Variants in CSMD3 observed in about 807,000 individuals in gnomAD.
CSMD3 encodes the protein CUB and sushi domain-containing protein 3.
Under a neutral mutation model 435.2 loss-of-function variants are expected in CSMD3, and 177 were observed. The observed-to-expected ratio is 0.41, with a 90% CI of 0.36 to 0.46. The LOEUF is 0.46. CSMD3 is among the 20% of genes least tolerant of loss of function. CSMD3 has a pLI of 0.34. For missense variants in CSMD3, 4,265 were observed against 4,504.6 expected (o/e 0.95, Z 1.52); for synonymous variants, 1,656 against 1,520.5 (o/e 1.09, Z -2.07).
chr8:112,491,779 A>G (rs1388508463), intron 31 of CSMD3, among the ~76,000 whole-genome samples: 2 of 152,152 alleles, frequency 1.3e-5, no homozygotes, highest in Non-Finnish European at 1.5e-5. Context: ...GTCACAACCC[A>G]ATGAATTGAT....
At chr8:113,060,046 G>A (rs2088539796) in intron 5 of CSMD3, among the ~76,000 whole-genome samples, 1 of 146,520 alleles carries the variant, frequency 6.8e-6, no homozygotes, top group South Asian at 2.2e-4. Flanking sequence ...ACATTGTGCA[G>A]GTTAGTTACA....
At chr8:112,800,818 A>G (rs1371367014) in intron 12 of CSMD3, among the ~76,000 whole-genome samples, 3 of 152,086 alleles carry the variant, frequency 2.0e-5, no homozygotes, top group Admixed American at 1.3e-4. Flanking sequence ...GTTTTATTTA[A>G]AGAAATATGC....
chr8:113,244,689 C>T (rs1410628361), intron 3 of CSMD3, among the ~76,000 whole-genome samples: 2 of 152,130 alleles, frequency 1.3e-5, no homozygotes, highest in African/African-American at 4.8e-5. Flanking sequence ...ATACCAGCAA[C>T]ATGTGGAAAA....
chr8:113,062,158 T>C (rs2088643416), intron 5 of CSMD3, among the ~76,000 whole-genome samples: 1 of 151,860 alleles, frequency 6.6e-6, no homozygotes, highest in African/African-American at 2.4e-5. Context: ...TAGTAACTCA[T>C]CCTTAAGTTT....
intron 5 of CSMD3, among the ~76,000 whole-genome samples, chr8:113,046,707 T>C (rs987942479): frequency 3.3e-5 from 5 of 152,194 alleles, no homozygotes; most frequent in South Asian, 2.1e-4. Flanking sequence ...CTGCTGTTTT[T>C]ATTGATACAA....
intron 13 of CSMD3, among the ~76,000 whole-genome samples, chr8:112,707,819 G>T (rs181662546): frequency 1.4e-4 from 21 of 152,132 alleles, no homozygotes; most frequent in African/African-American, 3.6e-4. Context: ...ATTCTAGAAA[G>T]AACTCTATAA....
intron 32 of CSMD3, among the ~76,000 whole-genome samples, chr8:112,427,680 A>G (rs1206210914): frequency 6.6e-6 from 1 of 152,168 alleles, no homozygotes; most frequent in African/African-American, 2.4e-5. Flanking sequence ...CTGTGTTTCT[A>G]TGCTAGGCTG....
chr8:112,411,582 A>G (rs1251265961), intron 32 of CSMD3, among the ~76,000 whole-genome samples: 1 of 152,032 alleles, frequency 6.6e-6, no homozygotes, highest in African/African-American at 2.4e-5. Context: ...TTGTAGTATG[A>G]ACAATGAAGA....
chr8:113,212,912 A>G (rs2092856143), intron 3 of CSMD3, among the ~76,000 whole-genome samples: 1 of 149,788 alleles, frequency 6.7e-6, no homozygotes, highest in Non-Finnish European at 1.5e-5. Context: ...TATATTAAAA[A>G]AAAAAAAAGA....
intron 13 of CSMD3, among the ~76,000 whole-genome samples, chr8:112,723,633 T>C (rs984625817): frequency 6.6e-6 from 1 of 152,136 alleles, no homozygotes; most frequent in Non-Finnish European, 1.5e-5. Flanking sequence ...AATTAGCTCA[T>C]GTTAAGATGG....
At position 112,859,261 on chromosome 8, in the gene CSMD3, T is replaced by A. The variant is rs1392847353; in HGVS notation, c.1639A>T (p.Thr547Ser). ...GGTCCTTGAAGATTAGAGCCACACG[T>A]TTTCACTAAAAGAGAAATTGCATTT... ...SDHRPVCKVK[T>S]CGSNLQGPSG... is the part of the protein sequence containing the mutation. The change falls in exon 11 of 71, where the codon ACG (threonine) becomes TCG (serine). Residue 547 changes from threonine (T) to serine (S), a missense_variant. By Grantham distance (58) the Thr-to-Ser change is moderately conservative. This residue lies in a region of CSMD3 where 731 missense variants were observed against 755.4 expected (regional missense o/e 0.97). Transcript: ENST00000297405. 7.4e-6 allele frequency: 12 copies of A among 1,610,912 alleles called. No individual in the cohort carries two copies. Among genetic ancestry groups the A allele is most frequent in the Non-Finnish European group, 1.0e-5 (12 of 1,177,576 alleles).
chr8:112,901,234 G>A (rs2082101847), intron 10 of CSMD3, among the ~76,000 whole-genome samples: 1 of 151,250 alleles, frequency 6.6e-6, no homozygotes, highest in Admixed American at 6.6e-5. Flanking sequence ...GACAATTGCA[G>A]GACCATCTTA....
Position 112,255,268 on chromosome 8 carries a change from G to A in CSMD3, c.10022C>T (p.Ser3341Leu). The A allele has an allele frequency of 6.2e-7, 1 of 1,613,182 alleles. No individual in the cohort carries two copies. The highest frequency in any genetic ancestry group is 8.5e-7 in the Non-Finnish European group (1 of 1,179,328). The change falls in exon 62 of 71, where the codon TCA (serine) becomes TTA (leucine). Residue 3341 changes from serine (S) to leucine (L), a missense_variant. This residue lies in a region of CSMD3 where 3,255 missense variants were observed against 3,380.2 expected (regional missense o/e 0.96). Coordinates refer to ENST00000297405, the MANE Select transcript of CSMD3 (RefSeq NM_198123.2). ...ATTAATATTACCTATGCAGTGAGGT[G>A]ATGAACCACTCCAAGTGCCATCTGC... Reference protein sequence around the residue: ...CQADGTWSGSSPHCIEPTQTS... With the variant: ...CQADGTWSGSLPHCIEPTQTS...
At chr8:112,460,282 C>T (rs1817311553) in intron 32 of CSMD3, among the ~76,000 whole-genome samples, 1 of 151,860 alleles carries the variant, frequency 6.6e-6, no homozygotes, top group Admixed American at 6.6e-5. Context: ...CACTTACAAG[C>T]AATATAATAT....
At chr8:112,766,253 T>C (rs2077976279) in intron 13 of CSMD3, among the ~76,000 whole-genome samples, 1 of 151,536 alleles carries the variant, frequency 6.6e-6, no homozygotes, top group Non-Finnish European at 1.5e-5. Flanking sequence ...ACTGAAAAAA[T>C]TAATGGTAAT....
At chr8:112,418,852 G>T (rs1170492500) in intron 32 of CSMD3, among the ~76,000 whole-genome samples, 1 of 152,096 alleles carries the variant, frequency 6.6e-6, no homozygotes, top group Non-Finnish European at 1.5e-5. Context: ...TTCACAAGTG[G>T]AAAATTTCAC....
chr8:112,958,484 T>C lies in CSMD3; in HGVS notation c.1343-3723A>G, dbSNP rs1049493012. Among the ~76,000 whole-genome samples the C allele has an allele frequency of 3.3e-5, 5 of 152,298 alleles. No homozygotes were observed. The East Asian group carries it at 9.6e-4, about 29-fold the overall frequency. The stretch of plus-strand genomic sequence containing the variant: ...CAAAAGCACTTTGTTTTGTAACTTG[T>C]ATTAGAGTAGTTTTAAGCCACGTAG... On this transcript the variant is annotated intron_variant, in intron 7 of 70. Transcript: ENST00000297405.
At chr8:112,898,572 A>C (rs1056544282) in intron 10 of CSMD3, among the ~76,000 whole-genome samples, 1 of 151,250 alleles carries the variant, frequency 6.6e-6, no homozygotes, top group Non-Finnish European at 1.5e-5. Flanking sequence ...AATAAAATGT[A>C]TAAACTTAAT....
chr8:113,067,190 A>T (rs530906812), intron 5 of CSMD3, among the ~76,000 whole-genome samples: 1 of 152,272 alleles, frequency 6.6e-6, no homozygotes, highest in South Asian at 2.1e-4. Flanking sequence ...CATTCTACTA[A>T]GATCCAGACT....
Sources: gnomAD v4.1 joint callset for allele counts (sites outside exome capture counted in the v4.1 genomes callset) on GRCh38, gnomAD v4.1.1 for gene constraint, gnomAD v4.1.1 regional missense constraint, MANE v1.5 for transcripts, NCBI Gene and HGNC (gene_info 2026-07-23, HGNC 2026-07-21) for gene names.